KIF1B: variants seen among roughly 807,000 people sequenced by gnomAD.
The protein encoded by KIF1B is kinesin family member 1B.
In KIF1B, 76 loss-of-function variants were observed where a neutral mutation model predicts 241.9. The observed-to-expected ratio is 0.31, with a 90% CI of 0.26 to 0.38. The LOEUF is 0.38. Among genes scored for constraint, KIF1B ranks in the 10% least tolerant of loss-of-function variants. The pLI is 1.00. For synonymous variants in KIF1B, 750 were observed against 796.7 expected (o/e 0.94, Z 0.99); for missense variants, 1,622 against 2,271.4 (o/e 0.71, Z 5.81).
At chr1:10,284,426 C>T (rs1649586349) in intron 15 of KIF1B, among the ~76,000 whole-genome samples, 1 of 152,106 alleles carries the variant, frequency 6.6e-6, no homozygotes, top group Non-Finnish European at 1.5e-5. Context: ...TGGCTCATGC[C>T]TGTAATCCCA....
At chr1:10,368,236 T>C (rs1557741660) in intron 43 of KIF1B, among the ~76,000 whole-genome samples, 1 of 152,152 alleles carries the variant, frequency 6.6e-6, no homozygotes, top group Non-Finnish European at 1.5e-5. Context: ...CTTCATTTAG[T>C]CATTGAGGTT....
At chr1:10,266,586 A>G (rs983151494) in intron 5 of KIF1B, among the ~76,000 whole-genome samples, 1 of 152,206 alleles carries the variant, frequency 6.6e-6, no homozygotes, top group Non-Finnish European at 1.5e-5. Flanking sequence ...GGTGAGCCTT[A>G]AAGAATTAGC....
intron 1 of KIF1B, among the ~76,000 whole-genome samples, chr1:10,225,641 AG>A (rs760495632): frequency 6.6e-6 from 1 of 152,214 alleles, no homozygotes; most frequent in East Asian, 1.9e-4. Flanking sequence ...GAATTTAAAA[AG>A]AACAAGACAA....
At chr1:10,254,599 A>G (rs58549151) in intron 2 of KIF1B, among the ~76,000 whole-genome samples, 4 of 151,968 alleles carry the variant, frequency 2.6e-5, no homozygotes, top group Non-Finnish European at 5.9e-5. Context: ...TTTCATGGCC[A>G]GGCGCGGTGG....
chr1:10,308,351 A>C (rs1267433644), intron 22 of KIF1B: 12 of 1,052,816 alleles, frequency 1.1e-5, no homozygotes, highest in Non-Finnish European at 1.4e-5. Context: ...TGTTCTAGAT[A>C]TTCTTAGCTT....
chr1:10,327,183 C>T (rs931676228), intron 27 of KIF1B, among the ~76,000 whole-genome samples: 1 of 151,606 alleles, frequency 6.6e-6, no homozygotes, highest in African/African-American at 2.4e-5. Flanking sequence ...CCAACGTGAC[C>T]CATGAAACCC....
intron 22 of KIF1B, among the ~76,000 whole-genome samples, chr1:10,310,202 T>C (rs1472332042): frequency 2.0e-5 from 3 of 151,678 alleles, no homozygotes; most frequent in Admixed American, 2.0e-4. Context: ...CAAACTTTAA[T>C]GTCAGTTAGA....
At chr1:10,265,707 A>G (rs1301440240) in intron 5 of KIF1B, among the ~76,000 whole-genome samples, 2 of 152,012 alleles carry the variant, frequency 1.3e-5, no homozygotes, top group Non-Finnish European at 2.9e-5. Flanking sequence ...TTAATTAGCT[A>G]GGCATGGTGG....
At chr1:10,297,756 T>TA (rs1373109375) in intron 22 of KIF1B, among the ~76,000 whole-genome samples, 1 of 152,142 alleles carries the variant, frequency 6.6e-6, no homozygotes, top group Admixed American at 6.6e-5. Context: ...TTGCATGTGT[T>TA]ACTCCTTTCC....
intron 1 of KIF1B, among the ~76,000 whole-genome samples, chr1:10,212,856 GTA>G (rs138390670): frequency 2.2e-5 from 3 of 139,418 alleles, no homozygotes; most frequent in East Asian, 2.2e-4. Context: ...AAAAAAATGT[GTA>G]TATATATATG....
At chr1:10,261,768 G>A (rs923279929) in intron 4 of KIF1B, 137 bp from the exon 5 acceptor site, 20 of 700,168 alleles carry the variant, frequency 2.9e-5, no homozygotes, top group African/African-American at 1.4e-4. Flanking sequence ...AGCATTAATC[G>A]TATCTTGATG....
At chr1:10,327,563 C>T (rs958121790) in intron 27 of KIF1B, among the ~76,000 whole-genome samples, 38 of 151,568 alleles carry the variant, frequency 2.5e-4, no homozygotes, top group African/African-American at 8.2e-4. Context: ...TGTGTTAAGA[C>T]TAGGTCACCA....
intron 1 of KIF1B, among the ~76,000 whole-genome samples, chr1:10,225,965 G>A (rs960760095): frequency 6.6e-6 from 1 of 152,094 alleles, no homozygotes; most frequent in Non-Finnish European, 1.5e-5. Flanking sequence ...GATGAAAAGG[G>A]ATAATTCACC....
chr1:10,323,995 G>T lies in KIF1B; in HGVS notation c.2470G>T (p.Val824Leu), dbSNP rs377108781. 2 of 1,614,208 alleles carry T rather than the reference G, an allele frequency of 1.2e-6. No individual in the cohort carries two copies. The highest frequency in any genetic ancestry group is 1.1e-5 in the South Asian group (1 of 91,078). Reference sequence around the variant, plus strand: ...TGAGGACAGGCCTTTCCCTCGCACAGTGGTAGCAGTAGAAGTCCAGGATTT... The same window carrying T: ...TGAGGACAGGCCTTTCCCTCGCACATTGGTAGCAGTAGAAGTCCAGGATTT... Reference protein sequence around the residue: ...THEDRPFPRTVVAVEVQDLKN... With the variant: ...THEDRPFPRTLVAVEVQDLKN... The change falls in exon 25 of 49, where the codon GTG becomes TTG. Residue 824 changes from valine to leucine, a missense_variant. Physicochemically the swap from Val to Leu is conservative, Grantham distance 32. Transcript: ENST00000676179.
At chr1:10,244,484 T>A (rs1647179440) in intron 2 of KIF1B, among the ~76,000 whole-genome samples, 1 of 151,742 alleles carries the variant, frequency 6.6e-6, no homozygotes, top group Non-Finnish European at 1.5e-5. Context: ...CCGGCTAATT[T>A]TTGTATTTTT....
intron 1 of KIF1B, 101 bp from the exon 2 acceptor site, chr1:10,232,149 T>C (rs1646991598): frequency 3.4e-6 from 2 of 584,500 alleles, no homozygotes; most frequent in Non-Finnish European, 6.1e-6. Context: ...TTTTTATAAA[T>C]GGAAACAGAA....
chr1:10,225,010 A>T (rs896454124), intron 1 of KIF1B, among the ~76,000 whole-genome samples: 11 of 152,198 alleles, frequency 7.2e-5, no homozygotes, highest in Admixed American at 2.0e-4. Flanking sequence ...CACAGTTCAC[A>T]GTAATGTTTG....
chr1:10,265,707 A>C (rs1301440240), intron 5 of KIF1B, among the ~76,000 whole-genome samples: 1 of 152,012 alleles, frequency 6.6e-6, no homozygotes, highest in Non-Finnish European at 1.5e-5. Context: ...TTAATTAGCT[A>C]GGCATGGTGG....
In KIF1B at chr1:10,377,373, T is replaced by C. The variant is rs1638917213; in HGVS notation, c.*786T>C. On this transcript the variant is annotated 3_prime_UTR_variant, in exon 49 of 49. Coordinates refer to ENST00000676179, the MANE Select transcript of KIF1B (RefSeq NM_001365951.3). ...TGAAGGGAAATGCCAAGGATGCTTC[T>C]GGTGGACTTCAGGGGACCCCAGGGT... 8.8e-6 allele frequency: 2 copies of C among 228,052 alleles called. No homozygotes were observed. The highest frequency in any genetic ancestry group is 1.3e-4 in the East Asian group (2 of 15,910). The allele number at this position is 228,052 out of a possible 1,614,324, so 14.1% of individuals were successfully genotyped here.
Sources: gnomAD v4.1 joint callset for allele counts (sites outside exome capture counted in the v4.1 genomes callset) on GRCh38, gnomAD v4.1.1 for gene constraint, MANE v1.5 for transcripts, NCBI Gene and HGNC (gene_info 2026-07-23, HGNC 2026-07-21) for gene names.